The following DRC11 variants were observed in gnomAD, a reference collection of about 807,000 sequenced individuals.
DRC11 encodes the protein IQ and AAA domain-containing protein 1.
At chr2:236,440,756 G>A in the DRC11 span, among the ~76,000 whole-genome samples, 1 of 151,994 alleles carries the variant, frequency 6.6e-6, no homozygotes, top group Non-Finnish European at 1.5e-5. Flanking sequence ...GGGAAGCTGG[G>A]ACCAGAACAC....
At chr2:236,374,184 T>C in the DRC11 span, among the ~76,000 whole-genome samples, 1 of 152,076 alleles carries the variant, frequency 6.6e-6, no homozygotes, top group African/African-American at 2.4e-5. Context: ...TGGGGAAAAT[T>C]TGTCATTTAG....
At chr2:236,393,994 G>A in the DRC11 span, among the ~76,000 whole-genome samples, 1 of 152,038 alleles carries the variant, frequency 6.6e-6, no homozygotes, top group Non-Finnish European at 1.5e-5. The surrounding 1 kb of genome is among the most constrained non-coding windows in gnomAD (Gnocchi z 4.7). Flanking sequence ...AATATATAAA[G>A]TTGTATGAAT....
chr2:236,428,320 T>C, the DRC11 span, among the ~76,000 whole-genome samples: 3 of 152,198 alleles, frequency 2.0e-5, no homozygotes, highest in Non-Finnish European at 2.9e-5. Flanking sequence ...TGTTCATTGT[T>C]GAAAGTAAGG....
chr2:236,468,983 C>T, the DRC11 span, among the ~76,000 whole-genome samples: 1 of 152,088 alleles, frequency 6.6e-6, no homozygotes, highest in African/African-American at 2.4e-5. Flanking sequence ...TCCTTTCATC[C>T]CTAAAAATGA....
chr2:236,405,825 G>T, the DRC11 span, among the ~76,000 whole-genome samples: 2 of 152,130 alleles, frequency 1.3e-5, no homozygotes, highest in Non-Finnish European at 2.9e-5. This position sits in a 1 kb window ranked among gnomAD's most constrained non-coding sequence, Gnocchi z 4.6. Context: ...TGAACATGCT[G>T]GACAAAGGGA....
chr2:236,416,767 A>G, the DRC11 span, among the ~76,000 whole-genome samples: 3 of 99,626 alleles, frequency 3.0e-5, no homozygotes, highest in Non-Finnish European at 4.1e-5. Context: ...ATATATATAT[A>G]TAAATAATTT....
chr2:236,351,932 G>A, the DRC11 span, among the ~76,000 whole-genome samples: 1 of 152,282 alleles, frequency 6.6e-6, no homozygotes, highest in South Asian at 2.1e-4. This position sits in a 1 kb window ranked among gnomAD's most constrained non-coding sequence, Gnocchi z 7.3. Context: ...GGGCTGCTGG[G>A]GCCAGAGAAG....
chr2:236,361,590 C>T, the DRC11 span, among the ~76,000 whole-genome samples: 1 of 151,944 alleles, frequency 6.6e-6, no homozygotes, highest in African/African-American at 2.4e-5. This position sits in a 1 kb window ranked among gnomAD's most constrained non-coding sequence, Gnocchi z 5.7. Flanking sequence ...ATGTAAAATA[C>T]CATATTAATT....
the DRC11 span, chr2:236,408,424 A>G: frequency 4.1e-5 from 30 of 740,160 alleles, no homozygotes; most frequent in East Asian, 6.0e-4. The surrounding 1 kb of genome is among the most constrained non-coding windows in gnomAD (Gnocchi z 5.5). Context: ...GAAGACGTCA[A>G]TCATCTCATC....
chr2:236,307,712 G>A, the DRC11 span, among the ~76,000 whole-genome samples: 6 of 152,190 alleles, frequency 3.9e-5, no homozygotes, highest in African/African-American at 1.4e-4. This position sits in a 1 kb window ranked among gnomAD's most constrained non-coding sequence, Gnocchi z 7.0. Context: ...TTTCAGAAAT[G>A]TTCATCCCAC....
At chr2:236,385,307 T>C in the DRC11 span, among the ~76,000 whole-genome samples, 1 of 146,592 alleles carries the variant, frequency 6.8e-6, no homozygotes, top group East Asian at 2.0e-4. Context: ...GGAATGTTCT[T>C]CCATTTGTTT....
the DRC11 span, among the ~76,000 whole-genome samples, chr2:236,469,107 T>A: frequency 6.6e-6 from 1 of 152,244 alleles, no homozygotes; most frequent in African/African-American, 2.4e-5. The surrounding 1 kb of genome is among the most constrained non-coding windows in gnomAD (Gnocchi z 5.8). Flanking sequence ...TCAGCTGTCA[T>A]TGGATTTTCC....
At chr2:236,507,397 G>A in the DRC11 span, 2 of 892,722 alleles carry the variant, frequency 2.2e-6, no homozygotes, top group Non-Finnish European at 3.7e-6. Flanking sequence ...CTTCTGGAGG[G>A]AGAAACCAGG....
At chr2:236,375,029 C>T in the DRC11 span, among the ~76,000 whole-genome samples, 10 of 151,888 alleles carry the variant, frequency 6.6e-5, no homozygotes, top group East Asian at 1.9e-4. The surrounding 1 kb of genome is among the most constrained non-coding windows in gnomAD (Gnocchi z 4.2). Flanking sequence ...GACCAGATCT[C>T]GTGAGAACTC....
the DRC11 span, among the ~76,000 whole-genome samples, chr2:236,490,296 T>G: frequency 6.6e-6 from 1 of 152,214 alleles, no homozygotes; most frequent in African/African-American, 2.4e-5. This position sits in a 1 kb window ranked among gnomAD's most constrained non-coding sequence, Gnocchi z 5.5. Flanking sequence ...AGGTAACTTA[T>G]GCAAGGCCCC....
chr2:236,331,377 C>T, the DRC11 span: 1 of 1,613,286 alleles, frequency 6.2e-7, no homozygotes, highest in African/African-American at 1.3e-5. The surrounding 1 kb of genome is among the most constrained non-coding windows in gnomAD (Gnocchi z 4.8). Context: ...TCTCTTCTTC[C>T]TCTTTGTACA....
chr2:236,388,298 C>G, the DRC11 span, among the ~76,000 whole-genome samples: 325 of 149,146 alleles, frequency 2.2e-3, no homozygotes, highest in African/African-American at 7.7e-3. Flanking sequence ...TTCAGGTACA[C>G]CAATCAGACG....
At chr2:236,436,317 T>C in the DRC11 span, among the ~76,000 whole-genome samples, 3 of 152,196 alleles carry the variant, frequency 2.0e-5, no homozygotes. Flanking sequence ...TACCTTGAAC[T>C]TCATTTGTGA....
At chr2:236,355,039 G>T in the DRC11 span, among the ~76,000 whole-genome samples, 1 of 152,162 alleles carries the variant, frequency 6.6e-6, no homozygotes. Context: ...TCTGAATTCC[G>T]AGAAGTTTCC....
Sources: gnomAD v4.1 joint callset for allele counts (sites outside exome capture counted in the v4.1 genomes callset) on GRCh38, gnomAD v4.1.1 for gene constraint, Gnocchi (gnomAD v3.1) non-coding constraint, MANE v1.5 for transcripts, NCBI Gene and HGNC (gene_info 2026-07-23, HGNC 2026-07-21) for gene names.